The following MSRA variants were observed in gnomAD, a reference collection of about 807,000 sequenced individuals.
MSRA encodes the protein mitochondrial peptide methionine sulfoxide reductase.
In MSRA, 54 loss-of-function variants were observed where a neutral mutation model predicts 31.3. The ratio of observed to expected loss-of-function variants is 1.73; its 90% CI spans 1.39 to 2.17. The LOEUF is 2.17. Among genes scored for constraint, MSRA ranks in the 30% most tolerant of loss-of-function variants. The pLI is 0.00. For synonymous variants in MSRA, 169 were observed against 116.5 expected, an observed-to-expected ratio of 1.45 and a Z score of -2.90; for missense variants, 507 against 300.9, an observed-to-expected ratio of 1.69 and a Z score of -5.07.
In MSRA at chr8:10,054,491, G is replaced by A. The variant is rs1802172192; in HGVS notation, c.-26G>A. On this transcript the variant is annotated 5_prime_UTR_variant, in exon 1 of 6. Coordinates refer to ENST00000317173, the MANE Select transcript of MSRA (RefSeq NM_012331.5). ...CGCTGCCGGTAGCGCCGTCCCCCGG[G>A]ACCACCCTTCGGCTGGCGCCCTCCC... The A allele has an allele frequency of 3.9e-6, 6 of 1,556,508 alleles. No individual in the cohort carries two copies. The African/African-American group carries it at 4.3e-5, about 11-fold the overall frequency.
At chr8:10,099,715 C>T (rs991423853) in intron 1 of MSRA, among the ~76,000 whole-genome samples, 7 of 152,168 alleles carry the variant, frequency 4.6e-5, no homozygotes, top group Non-Finnish European at 1.0e-4. Context: ...TAGAGGGGTG[C>T]AGCAGAGGGC....
intron 2 of MSRA, among the ~76,000 whole-genome samples, chr8:10,237,030 G>A (rs937565126): frequency 7.9e-5 from 12 of 152,258 alleles, no homozygotes; most frequent in Admixed American, 5.2e-4. Flanking sequence ...CACTCACTGC[G>A]GGATTTTATT....
intron 3 of MSRA, among the ~76,000 whole-genome samples, chr8:10,298,437 A>G (rs1261533387): frequency 1.3e-5 from 2 of 152,138 alleles, no homozygotes; most frequent in African/African-American, 4.8e-5. Flanking sequence ...CAGAGACAAG[A>G]AAGTGGAAAG....
At chr8:10,385,550 A>C (rs149833650) in intron 5 of MSRA, among the ~76,000 whole-genome samples, 1 of 152,158 alleles carries the variant, frequency 6.6e-6, no homozygotes, top group Non-Finnish European at 1.5e-5. Flanking sequence ...GGGGCAGAGG[A>C]GTGAGAAGAT....
chr8:10,100,162 C>T (rs1799438248), intron 1 of MSRA, among the ~76,000 whole-genome samples: 1 of 152,142 alleles, frequency 6.6e-6, no homozygotes, highest in Non-Finnish European at 1.5e-5. Flanking sequence ...GTTGAGAGGG[C>T]ATAAGGTGTT....
chr8:10,152,872 G>A (rs550474011), intron 1 of MSRA, among the ~76,000 whole-genome samples: 20 of 152,306 alleles, frequency 1.3e-4, no homozygotes, highest in Non-Finnish European at 2.8e-4. Context: ...GATGAACCTT[G>A]AGGACATGAT....
At chr8:10,391,485 A>C (rs73197257) in intron 5 of MSRA, among the ~76,000 whole-genome samples, 3,085 of 152,310 alleles carry the variant, frequency 0.02, 46 homozygotes, top group South Asian at 0.035. Flanking sequence ...CCAAAATCAT[A>C]ATTTCAGTTA....
intron 3 of MSRA, among the ~76,000 whole-genome samples, chr8:10,295,017 G>A (rs1439727411): frequency 6.6e-6 from 1 of 152,150 alleles, no homozygotes; most frequent in Non-Finnish European, 1.5e-5. Context: ...GACAAGTCCA[G>A]CTTGGCGATA....
chr8:10,350,169 C>T (rs571367406), intron 5 of MSRA, among the ~76,000 whole-genome samples: 9 of 152,330 alleles, frequency 5.9e-5, no homozygotes, highest in African/African-American at 2.2e-4. Context: ...GGTCTGCAGT[C>T]TTCGTTTCTT....
chr8:10,403,656 G>C (rs1337949836), intron 5 of MSRA, among the ~76,000 whole-genome samples: 1 of 152,234 alleles, frequency 6.6e-6, no homozygotes, highest in Non-Finnish European at 1.5e-5. Flanking sequence ...ACAGAGGCCT[G>C]GCTCATGGGT....
At chr8:10,307,430 G>T (rs1801200265) in intron 4 of MSRA, among the ~76,000 whole-genome samples, 1 of 152,166 alleles carries the variant, frequency 6.6e-6, no homozygotes, top group African/African-American at 2.4e-5. Flanking sequence ...GCCTTCCAAA[G>T]TTCTGGGATG....
chr8:10,380,880 T>G (rs1585633051), intron 5 of MSRA, among the ~76,000 whole-genome samples: 1 of 122,024 alleles, frequency 8.2e-6, no homozygotes, highest in Admixed American at 8.7e-5. Flanking sequence ...GATGGGTGGG[T>G]GGGTAGATGG....
At chr8:10,417,768 G>GTGTC (rs1808565012) in intron 5 of MSRA, among the ~76,000 whole-genome samples, 1 of 150,632 alleles carries the variant, frequency 6.6e-6, no homozygotes, top group Non-Finnish European at 1.5e-5. Flanking sequence ...GTGTGTGTGT[G>GTGTC]TGTGTGTGTG....
intron 5 of MSRA, among the ~76,000 whole-genome samples, chr8:10,324,587 C>A (rs1449948529): frequency 6.6e-6 from 1 of 152,132 alleles, no homozygotes; most frequent in Non-Finnish European, 1.5e-5. Flanking sequence ...TCCTGGTGAG[C>A]AATAGAGCTA....
At chr8:10,251,522 T>G (rs1406708057) in intron 3 of MSRA, among the ~76,000 whole-genome samples, 1 of 152,186 alleles carries the variant, frequency 6.6e-6, no homozygotes, top group Non-Finnish European at 1.5e-5. Flanking sequence ...TCGCTTTTTA[T>G]TCCTCTTATT....
chr8:10,141,000 T>C (rs776710110), intron 1 of MSRA, among the ~76,000 whole-genome samples: 1 of 152,070 alleles, frequency 6.6e-6, no homozygotes, highest in Non-Finnish European at 1.5e-5. Flanking sequence ...GGAAGTCCTT[T>C]TTGGGGGCTG....
intron 5 of MSRA, among the ~76,000 whole-genome samples, chr8:10,413,105 T>A (rs1808252310): frequency 6.6e-6 from 1 of 152,174 alleles, no homozygotes. Flanking sequence ...AACACCACAC[T>A]GAGGAATGCG....
chr8:10,296,101 C>G (rs902674232), intron 3 of MSRA, among the ~76,000 whole-genome samples: 1 of 152,106 alleles, frequency 6.6e-6, no homozygotes, highest in African/African-American at 2.4e-5. Context: ...GAATCTGGGC[C>G]TTTCTAGGGT....
intron 5 of MSRA, among the ~76,000 whole-genome samples, chr8:10,330,582 A>T (rs933418992): frequency 6.6e-6 from 1 of 152,236 alleles, no homozygotes; most frequent in Non-Finnish European, 1.5e-5. Flanking sequence ...AAGCTATCTG[A>T]GGCAAAGTCT....
Sources: gnomAD v4.1 joint callset for allele counts (sites outside exome capture counted in the v4.1 genomes callset) on GRCh38, gnomAD v4.1.1 for gene constraint, MANE v1.5 for transcripts, NCBI Gene and HGNC (gene_info 2026-07-23, HGNC 2026-07-21) for gene names.